Variants in PCDH15 observed in about 807,000 individuals in gnomAD.
PCDH15 encodes protocadherin-15.
Under a neutral mutation model 178.5 loss-of-function variants are expected in PCDH15, and 129 were observed. The ratio of observed to expected loss-of-function variants is 0.72; its 90% CI spans 0.63 to 0.84. The LOEUF (loss-of-function observed/expected upper bound fraction) is 0.84, where lower values mean the gene tolerates loss of function less well. Ranked by LOEUF, PCDH15 falls within the 40% of genes least tolerant of loss-of-function variation. The pLI is 0.00. For synonymous variants in PCDH15, 800 were observed against 732.0 expected (o/e 1.09, Z -1.50); for missense variants, 2,230 against 2,099.9 (o/e 1.06, Z -1.21).
intron 2 of PCDH15, among the ~76,000 whole-genome samples, chr10:54,976,232 T>C (rs1001164953): frequency 1.1e-4 from 16 of 152,128 alleles, no homozygotes; most frequent in African/African-American, 2.9e-4. Context: ...ATATCAGATA[T>C]AGTCTTAAAA....
chr10:54,994,470 T>C (rs1839585459), intron 2 of PCDH15, among the ~76,000 whole-genome samples: 2 of 152,298 alleles, frequency 1.3e-5, no homozygotes, highest in African/African-American at 4.8e-5. Flanking sequence ...ATATAAAGTA[T>C]ATATTTCTAG....
At chr10:54,875,244 G>A (rs930769533) in intron 3 of PCDH15, among the ~76,000 whole-genome samples, 1 of 151,968 alleles carries the variant, frequency 6.6e-6, no homozygotes, top group African/African-American at 2.4e-5. Context: ...TAATTGTTTT[G>A]GGGGCATCGC....
intron 17 of PCDH15, 68 bp downstream of exon 17, chr10:54,079,263 C>A: frequency 2.2e-6 from 3 of 1,377,096 alleles, no homozygotes; most frequent in Non-Finnish European, 3.1e-6. Flanking sequence ...GTCTGTGATA[C>A]ATTGTTTAAG....
intron 10 of PCDH15, among the ~76,000 whole-genome samples, chr10:54,212,127 T>C (rs2051505903): frequency 6.6e-6 from 1 of 152,118 alleles, no homozygotes; most frequent in Admixed American, 6.6e-5. Context: ...CATGTGACAG[T>C]TTGGAAACAG....
chr10:55,217,204 C>T (rs117565303), intron 1 of PCDH15, among the ~76,000 whole-genome samples: 2,442 of 151,844 alleles, frequency 0.016, 36 homozygotes, highest in Non-Finnish European at 0.021. Context: ...TTGGTCAACT[C>T]GAAAGAAATT....
intron 3 of PCDH15, among the ~76,000 whole-genome samples, chr10:54,379,812 T>G (rs1175239650): frequency 6.6e-6 from 1 of 152,170 alleles, no homozygotes; most frequent in South Asian, 2.1e-4. Context: ...TTTATTAAAC[T>G]TATAGATATA....
intron 2 of PCDH15, among the ~76,000 whole-genome samples, chr10:55,063,553 A>T (rs1841492604): frequency 6.6e-6 from 1 of 152,110 alleles, no homozygotes. Context: ...ATCTGTATAC[A>T]TGGGGAGAAT....
intron 3 of PCDH15, among the ~76,000 whole-genome samples, chr10:54,380,729 T>C (rs867055338): frequency 0.012 from 1,387 of 114,906 alleles, 76 homozygotes; most frequent in African/African-American, 0.026. Flanking sequence ...TATATATATA[T>C]ATATATATAT....
intron 1 of PCDH15, among the ~76,000 whole-genome samples, chr10:54,795,394 T>C (rs965128165): frequency 6.6e-6 from 1 of 151,802 alleles, no homozygotes; most frequent in Non-Finnish European, 1.5e-5. Flanking sequence ...GGATGGACAG[T>C]AGGGAGATAT....
At chr10:54,447,432 G>A (rs1270577881) in intron 3 of PCDH15, among the ~76,000 whole-genome samples, 2 of 151,478 alleles carry the variant, frequency 1.3e-5, no homozygotes, top group Admixed American at 6.6e-5. Flanking sequence ...TTAACTCTCT[G>A]TTTCTATGAG....
rs894961919 is a variant in PCDH15, at chr10:54,923,998, T to G, written c.-79-26498A>C. Among the ~76,000 whole-genome samples, 2 of 136,810 alleles carry G rather than the reference T, an allele frequency of 1.5e-5. 1 individual carries two copies. The highest frequency in any genetic ancestry group is 3.4e-5 in the Non-Finnish European group (2 of 58,614). The allele number at this position is 136,810 out of a possible 152,430, so 89.8% of individuals were successfully genotyped here. On this transcript the variant is annotated intron_variant, in intron 2 of 5. Transcript: ENST00000458638. ...ACATTGTCACATAGCTAAAAAGAAC[T>G]ATCTGAGACTGGTCCTTTATATAAA...
intron 3 of PCDH15, among the ~76,000 whole-genome samples, chr10:54,526,391 T>G (rs2132638343): frequency 6.6e-6 from 1 of 152,346 alleles, no homozygotes; most frequent in Non-Finnish European, 1.5e-5. Context: ...TATTGAATTT[T>G]TATTTCTGGT....
At chr10:54,559,211 G>A (rs971924012) in intron 2 of PCDH15, among the ~76,000 whole-genome samples, 2 of 151,924 alleles carry the variant, frequency 1.3e-5, no homozygotes, top group African/African-American at 4.8e-5. Context: ...TAAGGATAGA[G>A]CTTACTACAA....
intron 2 of PCDH15, among the ~76,000 whole-genome samples, chr10:55,490,783 G>A (rs1331069187): frequency 6.6e-6 from 1 of 151,682 alleles, no homozygotes; most frequent in African/African-American, 2.4e-5. Context: ...TAACACAATG[G>A]TTCCAAGAAG....
intron 1 of PCDH15, among the ~76,000 whole-genome samples, chr10:54,717,835 A>T (rs1247572740): frequency 6.9e-6 from 1 of 143,928 alleles, no homozygotes; most frequent in Non-Finnish European, 1.5e-5. Context: ...GGCACTATTC[A>T]TAATAGCGAA....
At chr10:55,043,333 G>A (rs937888809) in intron 2 of PCDH15, among the ~76,000 whole-genome samples, 2 of 151,808 alleles carry the variant, frequency 1.3e-5, no homozygotes, top group African/African-American at 4.8e-5. Flanking sequence ...ATTATATCTG[G>A]ATGCACTCAC....
intron 6 of PCDH15, among the ~76,000 whole-genome samples, chr10:54,341,930 G>A (rs1184551245): frequency 6.6e-6 from 1 of 152,186 alleles, no homozygotes; most frequent in African/African-American, 2.4e-5. Flanking sequence ...TTTCTAAGCA[G>A]CAAAGTATTC....
At chr10:55,244,738 A>C (rs1841642506) in intron 1 of PCDH15, among the ~76,000 whole-genome samples, 1 of 151,672 alleles carries the variant, frequency 6.6e-6, no homozygotes, top group Non-Finnish European at 1.5e-5. Flanking sequence ...TAATGTCAGA[A>C]TACAGGAATC....
intron 2 of PCDH15, among the ~76,000 whole-genome samples, chr10:54,585,238 G>T (rs1359056383): frequency 6.6e-6 from 1 of 152,004 alleles, no homozygotes; most frequent in Non-Finnish European, 1.5e-5. Context: ...ACCTTAATTG[G>T]AATATCTATC....
Sources: gnomAD v4.1 joint callset for allele counts (sites outside exome capture counted in the v4.1 genomes callset) on GRCh38, gnomAD v4.1.1 for gene constraint, MANE v1.5 for transcripts, NCBI Gene and HGNC (gene_info 2026-07-23, HGNC 2026-07-21) for gene names.